ATF6B: variants seen among roughly 807,000 people sequenced by gnomAD.
ATF6B encodes activating transcription factor 6 beta.
ATF6B carries 50 observed loss-of-function variants against 83.5 expected under a neutral mutation model. The observed-to-expected ratio is 0.60, with a 90% CI of 0.48 to 0.76. The LOEUF is 0.76. ATF6B is among the 30% of genes least tolerant of loss of function. The probability of loss-of-function intolerance (pLI) is 0.00; values close to 1 mark genes in which losing one functional copy is unlikely to be tolerated. For missense variants in ATF6B, 790 were observed against 893.8 expected (o/e 0.88, Z 1.48); for synonymous variants, 344 against 362.8 (o/e 0.95, Z 0.59).
rs776816694 is a variant in ATF6B, at chr6:32,117,909, G to A, written c.1374C>T (p.Ser458=). 3 of 1,597,892 alleles carry A rather than the reference G, an allele frequency of 1.9e-6. No homozygotes were observed. The African/African-American group carries it at 4.0e-5, about 21-fold the overall frequency. The part of the protein sequence containing the change: ...VQGVEPLQGS[S]QGPKEPQPSP... ...TGGGCTGGGGCTCCTTAGGGCCCTG[G>A]GAGGACCCCTGGAGAGGTTCAACTC... The change falls in exon 12 of 18, where the codon TCC becomes TCT. Residue 458 remains serine (S), a synonymous_variant. Coordinates refer to ENST00000375203, the MANE Select transcript of ATF6B (RefSeq NM_004381.5). The surrounding 1 kb of genome is among the most constrained non-coding windows in gnomAD (Gnocchi z 5.0).
In ATF6B at chr6:32,117,315, C is replaced by T. The variant is rs200717869; in HGVS notation, c.1614+8G>A. On this transcript the variant is annotated splice_region_variant and intron_variant, in intron 14 of 17. Coordinates refer to ENST00000375203, the MANE Select transcript of ATF6B (RefSeq NM_004381.5). The surrounding 1 kb of genome is among the most constrained non-coding windows in gnomAD (Gnocchi z 5.0). ...AGTGGCCTTCCTTGAACCAGCCACC[C>T]GCCCTACCTGTCTCTCCTGGGCCCT... 2.7e-4 allele frequency: 441 copies of T among 1,612,610 alleles called. No individual in the cohort carries two copies. The African/African-American group carries it at 3.1e-3, about 11-fold the overall frequency.
At position 32,118,420 on chromosome 6, in the gene ATF6B, C is replaced by A. The variant is rs529765301; in HGVS notation, c.1244+355G>T. Among the ~76,000 whole-genome samples, 1 of 152,102 alleles carries A rather than the reference C, an allele frequency of 6.6e-6. No homozygotes were observed. Among genetic ancestry groups the A allele is most frequent in the Admixed American group, 6.5e-5 (1 of 15,270 alleles). ...CCAGCCTGGGCAACAACAGTGAAACCCTGTCTCTACTAAAAAATACAAAAA... is the reference window on the plus strand; with the variant it reads ...CCAGCCTGGGCAACAACAGTGAAACACTGTCTCTACTAAAAAATACAAAAA... On this transcript the variant is annotated intron_variant, in intron 11 of 17. Transcript: ENST00000375203. The surrounding 1 kb of genome is among the most constrained non-coding windows in gnomAD (Gnocchi z 5.2).
In ATF6B at chr6:32,125,122, C is replaced by T. The variant is rs751723180; in HGVS notation, c.478+995G>A. 6.6e-6 allele frequency among the ~76,000 whole-genome samples: 1 copy of T among 152,080 alleles called. No individual in the cohort carries two copies. Among genetic ancestry groups the T allele is most frequent in the Non-Finnish European group, 1.5e-5 (1 of 68,026 alleles). On this transcript the variant is annotated intron_variant, in intron 5 of 17. Coordinates refer to ENST00000375203, the MANE Select transcript of ATF6B (RefSeq NM_004381.5). This position sits in a 1 kb window ranked among gnomAD's most constrained non-coding sequence, Gnocchi z 4.1. ...GGATTACAAGCATGAGCCACCACAC[C>T]CAGCCCCACCTCTAGTGATTTCTAT...
chr6:32,117,467 C>G lies in ATF6B; in HGVS notation c.1533-63G>C. On this transcript the variant is annotated intron_variant, in intron 13 of 17. Coordinates refer to ENST00000375203, the MANE Select transcript of ATF6B (RefSeq NM_004381.5). The surrounding 1 kb of genome is among the most constrained non-coding windows in gnomAD (Gnocchi z 5.0). ...CCAAGATTCCCACCCTCCTTGCCCA[C>G]CCACAGGAGTGAGGAGAGGGCAGGG... The G allele has an allele frequency of 6.2e-7, 1 of 1,600,704 alleles. No individual in the cohort carries two copies. Among genetic ancestry groups the G allele is most frequent in the Non-Finnish European group, 8.5e-7 (1 of 1,170,984 alleles).
At chr6:32,126,054 C>A in intron 5 of ATF6B, 63 bp downstream of exon 5, 3 of 1,600,112 alleles carry the variant, frequency 1.9e-6, no homozygotes, top group Non-Finnish European at 2.6e-6. Context: ...CACACATACA[C>A]ACACACACAT....
In ATF6B at chr6:32,127,206, G is replaced by A. The variant is rs760760174; in HGVS notation, c.251-12C>T. 7 of 1,599,204 alleles carry A rather than the reference G, an allele frequency of 4.4e-6. No individual in the cohort carries two copies. The East Asian group carries it at 1.3e-4, about 31-fold the overall frequency. On this transcript the variant is annotated splice_polypyrimidine_tract_variant and intron_variant, in intron 3 of 17. Coordinates refer to ENST00000375203, the MANE Select transcript of ATF6B (RefSeq NM_004381.5). ...CTTCACCTGAAGATCTGGAGGAAAG[G>A]GAGTTAGAAATTATCAGGAAGCAGA...
In ATF6B at chr6:32,117,268, A is replaced by T; in HGVS notation, c.1614+55T>A. The T allele has an allele frequency of 6.3e-7, 1 of 1,585,316 alleles. No homozygotes were observed. ...GATGCCCACTAGAAATCCCCAGACA[A>T]GGCCTTTAGCCCTTGTCTTCAAGTG... On this transcript the variant is annotated intron_variant, in intron 14 of 17. Transcript: ENST00000375203. The surrounding 1 kb of genome is among the most constrained non-coding windows in gnomAD (Gnocchi z 5.0).
Position 32,115,961 on chromosome 6 carries a change from C to T in ATF6B, c.1890G>A (p.Leu630=). The change falls in exon 18 of 18, where the codon CTG becomes CTA. Residue 630 remains leucine (L), a synonymous_variant. Transcript: ENST00000375203. The stretch of plus-strand genomic sequence containing the variant: ...AGTCCCCCGGGGCCCCACGGCCTGA[C>T]AGGGTCTCTGTGAGAAGGGGAGAGT... ...VMPAMAPNET[L]SGRGAPGDYE... 1 of 1,613,004 alleles carries T rather than the reference C, an allele frequency of 6.2e-7. No individual in the cohort carries two copies. Among genetic ancestry groups the T allele is most frequent in the Non-Finnish European group, 8.5e-7 (1 of 1,179,342 alleles).
chr6:32,126,303 A>T lies in ATF6B; in HGVS notation c.343-51T>A, dbSNP rs374934663. ...GGGGCAGAAAGAAGGGCAAAAAACA[A>T]GGGAGATGTTGACAGTAAGAGCGAG... On this transcript the variant is annotated intron_variant, in intron 4 of 17. Coordinates refer to ENST00000375203, the MANE Select transcript of ATF6B (RefSeq NM_004381.5). 5.6e-5 allele frequency: 90 copies of T among 1,598,886 alleles called. 1 individual carries two copies. Among genetic ancestry groups the T allele is most frequent in the Non-Finnish European group, 6.3e-5 (74 of 1,172,700 alleles).
chr6:32,122,301 T>C (rs1436341258), intron 5 of ATF6B, among the ~76,000 whole-genome samples: 5 of 152,102 alleles, frequency 3.3e-5, no homozygotes, highest in Non-Finnish European at 5.9e-5. Context: ...TGGCCTCCAA[T>C]AAATCTGCCT....
In ATF6B at chr6:32,116,396, C is replaced by A; in HGVS notation, c.1882+84G>T. The A allele has an allele frequency of 7.4e-7, 1 of 1,350,868 alleles. No individual in the cohort carries two copies. The allele number at this position is 1,350,868 out of a possible 1,614,324, so 83.7% of individuals were successfully genotyped here. ...TGGGTCCAGCAGCTCTCTGGATGCC[C>A]TGCTCCTCTCCCCCTTCCCCCTCAG... On this transcript the variant is annotated intron_variant, in intron 17 of 17. Transcript: ENST00000375203. The surrounding 1 kb of genome is among the most constrained non-coding windows in gnomAD (Gnocchi z 5.1).
Position 32,119,698 on chromosome 6 carries a change from G to A in ATF6B, c.966+126C>T. 7.4e-7 allele frequency: 1 copy of A among 1,351,338 alleles called. No homozygotes were observed. Among genetic ancestry groups the A allele is most frequent in the East Asian group, 2.4e-5 (1 of 42,160 alleles). 83.7% of individuals were successfully genotyped at this position (1,351,338 alleles called of 1,614,324 possible). A position where few individuals can be genotyped will look rare whatever the true frequency, so the allele number is the denominator to read the frequency against. Reference sequence around the variant, plus strand: ...ATTCTGACCCTCAGAATGATCTAATGGGTCCGTTTCCTCACTTTTTTCTCC... The same window carrying A: ...ATTCTGACCCTCAGAATGATCTAATAGGTCCGTTTCCTCACTTTTTTCTCC... On this transcript the variant is annotated intron_variant, in intron 9 of 17. Transcript: ENST00000375203. This position sits in a 1 kb window ranked among gnomAD's most constrained non-coding sequence, Gnocchi z 4.9.
chr6:32,124,864 T>C (rs989590665), intron 5 of ATF6B, among the ~76,000 whole-genome samples: 2 of 151,930 alleles, frequency 1.3e-5, no homozygotes, highest in Admixed American at 6.6e-5. Context: ...TTTTTTTTTT[T>C]CCAGACGGAG....
rs749685406 is a variant in ATF6B, at chr6:32,118,947, T to C, written c.1152+9A>G. 3 of 1,613,726 alleles carry C rather than the reference T, an allele frequency of 1.9e-6. No individual in the cohort carries two copies. The highest frequency in any genetic ancestry group is 2.7e-5 in the African/African-American group (2 of 74,928). On this transcript the variant is annotated intron_variant, in intron 10 of 17. Coordinates refer to ENST00000375203, the MANE Select transcript of ATF6B (RefSeq NM_004381.5). This position sits in a 1 kb window ranked among gnomAD's most constrained non-coding sequence, Gnocchi z 5.2. ...TCCTGTTGGTCTCCCAGGGACAGAC[T>C]GGTCTTACTTCAGCCAGCAGGGCCT... is the stretch of plus-strand genomic sequence containing the variant.
intron 5 of ATF6B, among the ~76,000 whole-genome samples, chr6:32,122,995 C>T (rs1044816773): frequency 2.6e-5 from 4 of 151,734 alleles, no homozygotes; most frequent in African/African-American, 7.3e-5. Flanking sequence ...CGACACCCAA[C>T]GCAGGTGGAT....
chr6:32,121,974 A>G (rs1439608068), intron 5 of ATF6B, among the ~76,000 whole-genome samples: 1 of 152,108 alleles, frequency 6.6e-6, no homozygotes, highest in Non-Finnish European at 1.5e-5. Context: ...GTCTATTCAC[A>G]TAGAATAGGC....
At position 32,116,316 on chromosome 6, in the gene ATF6B, C is replaced by T. The variant is rs913412774; in HGVS notation, c.1882+164G>A. ...AGGACCCTCACCCTTGTCTCCCTCCCAAGTCTCCTGCATGGTGCTCTTCCC... is the reference window on the plus strand; with the variant it reads ...AGGACCCTCACCCTTGTCTCCCTCCTAAGTCTCCTGCATGGTGCTCTTCCC... On this transcript the variant is annotated intron_variant, in intron 17 of 17. Coordinates refer to ENST00000375203, the MANE Select transcript of ATF6B (RefSeq NM_004381.5). This position sits in a 1 kb window ranked among gnomAD's most constrained non-coding sequence, Gnocchi z 5.1. Among the ~76,000 whole-genome samples the T allele has an allele frequency of 6.6e-6, 1 of 152,232 alleles. No individual in the cohort carries two copies. Among genetic ancestry groups the T allele is most frequent in the Admixed American group, 6.5e-5 (1 of 15,292 alleles).
chr6:32,117,268 A>G lies in ATF6B; in HGVS notation c.1614+55T>C, dbSNP rs558800203. On this transcript the variant is annotated intron_variant, in intron 14 of 17. Transcript: ENST00000375203. This position sits in a 1 kb window ranked among gnomAD's most constrained non-coding sequence, Gnocchi z 5.0. Reference sequence around the variant, plus strand: ...GATGCCCACTAGAAATCCCCAGACAAGGCCTTTAGCCCTTGTCTTCAAGTG... The same window carrying G: ...GATGCCCACTAGAAATCCCCAGACAGGGCCTTTAGCCCTTGTCTTCAAGTG... 6.9e-6 allele frequency: 11 copies of G among 1,585,316 alleles called. No individual in the cohort carries two copies. Among genetic ancestry groups the G allele is most frequent in the Middle Eastern group, 1.7e-4 (1 of 5,930 alleles).
At position 32,119,331 on chromosome 6, in the gene ATF6B, A is replaced by G. The variant is rs1170241769; in HGVS notation, c.967-190T>C. Among the ~76,000 whole-genome samples the G allele has an allele frequency of 6.6e-6, 1 of 152,068 alleles. No homozygotes were observed. Among genetic ancestry groups the G allele is most frequent in the African/African-American group, 2.4e-5 (1 of 41,390 alleles). ...TAGGGAAGGGGCCCTTCTTTCAAAC[A>G]TTCCCTGCTACTGCTCCTCAGAGGT... On this transcript the variant is annotated intron_variant, in intron 9 of 17. Coordinates refer to ENST00000375203, the MANE Select transcript of ATF6B (RefSeq NM_004381.5). The surrounding 1 kb of genome is among the most constrained non-coding windows in gnomAD (Gnocchi z 4.9).
Sources: allele counts gnomAD v4.1 joint callset (sites outside exome capture counted in the v4.1 genomes callset), GRCh38; gene constraint gnomAD v4.1.1; non-coding constraint Gnocchi (gnomAD v3.1); transcripts MANE v1.5; gene names NCBI Gene and HGNC (gene_info 2026-07-23, HGNC 2026-07-21).